ZNF566: variants seen among roughly 807,000 people sequenced by gnomAD.
The protein encoded by ZNF566 is zinc finger protein 566.
Under a neutral mutation model 32.8 loss-of-function variants are expected in ZNF566, and 27 were observed. That is an observed-to-expected ratio of 0.82 (90% CI 0.61 to 1.14). The LOEUF (loss-of-function observed/expected upper bound fraction) is 1.14. ZNF566 is among the 50% of genes most tolerant of loss of function. The pLI is 0.00. For synonymous variants in ZNF566, 154 were observed against 159.5 expected (o/e 0.97, Z 0.26); for missense variants, 402 against 490.4 (o/e 0.82, Z 1.70).
rs765680561 is a variant in ZNF566 at position 36,449,827 on chromosome 19, C to T, written c.407G>A (p.Gly136Glu). 1 of 1,614,122 alleles carries T rather than the reference C, an allele frequency of 6.2e-7. No individual in the cohort carries two copies. The highest frequency in any genetic ancestry group is 1.1e-5 in the South Asian group (1 of 91,082). Reference protein sequence around the residue: ...RQFKKELGSQGGHFNQLVFTH... With the variant: ...RQFKKELGSQEGHFNQLVFTH... ...GAATACCAATTGATTGAAATGTCCC[C>T]CCTGAGAGCCGAGTTCTTTCTTAAA... Residue 136 changes from glycine (G) to glutamate (E), a missense_variant, in exon 5 of 5, where the codon GGG becomes GAG. Transcript: ENST00000452939.
chr19:36,450,254 T>G (rs1462781017), intron 4 of ZNF566, among the ~76,000 whole-genome samples: 1 of 152,134 alleles, frequency 6.6e-6, no homozygotes, highest in East Asian at 1.9e-4. Flanking sequence ...TAGTCCTATC[T>G]CCCTTGTTAA....
At chr19:36,455,559 T>C (rs111308731) in intron 4 of ZNF566, among the ~76,000 whole-genome samples, 56 of 151,172 alleles carry the variant, frequency 3.7e-4, no homozygotes, top group African/African-American at 1.3e-3. Flanking sequence ...CGGGCCAACA[T>C]GGCAACATCC....
At chr19:36,473,054 A>G (rs376328379) in intron 3 of ZNF566, 48 bp from the exon 4 acceptor site, 1 of 1,526,970 alleles carries the variant, frequency 6.5e-7, no homozygotes, top group Non-Finnish European at 9.0e-7. Flanking sequence ...AGCATATCCT[A>G]GAATTCAAAT....
chr19:36,488,021 A>G (rs2034214099), intron 1 of ZNF566, among the ~76,000 whole-genome samples: 1 of 152,022 alleles, frequency 6.6e-6, no homozygotes, highest in Non-Finnish European at 1.5e-5. Flanking sequence ...GGTCCTGGCA[A>G]AGTTCTTTGT....
At chr19:36,482,833 T>C (rs1229258308) in intron 1 of ZNF566, among the ~76,000 whole-genome samples, 1 of 152,224 alleles carries the variant, frequency 6.6e-6, no homozygotes, top group Non-Finnish European at 1.5e-5. Context: ...GAAGAGGTAC[T>C]AAGTGTTTTT....
At chr19:36,453,140 A>C (rs752405611) in intron 4 of ZNF566, among the ~76,000 whole-genome samples, 5 of 150,732 alleles carry the variant, frequency 3.3e-5, no homozygotes, top group African/African-American at 9.8e-5. Context: ...AAAAAACAAA[A>C]AAACAAACAA....
At chr19:36,452,096 G>A (rs1352801233) in intron 4 of ZNF566, among the ~76,000 whole-genome samples, 1 of 151,140 alleles carries the variant, frequency 6.6e-6, no homozygotes, top group Non-Finnish European at 1.5e-5. Flanking sequence ...AAAAAAAAAA[G>A]GGAGAATAGT....
intron 4 of ZNF566, among the ~76,000 whole-genome samples, chr19:36,463,167 G>A (rs553469758): frequency 5.9e-5 from 9 of 151,400 alleles, no homozygotes; most frequent in African/African-American, 1.9e-4. Flanking sequence ...AGCTGGGCAC[G>A]GTGGCACATG....
At position 36,445,716 on chromosome 19, in the gene ZNF566, G is replaced by A. The variant is rs1334908187; in HGVS notation, c.*3261C>T. The A allele has an allele frequency of 2.0e-5, 3 of 152,348 alleles. No individual in the cohort carries two copies. The highest frequency in any genetic ancestry group is 7.2e-5 in the African/African-American group (3 of 41,572). The allele number at this position is 152,348 out of a possible 1,614,324, so 9.4% of individuals were successfully genotyped here. On this transcript the variant is annotated 3_prime_UTR_variant, in exon 5 of 5. Transcript: ENST00000452939. Reference sequence around the variant, plus strand: ...TACCTGTAACCCCAGCTACTTGGGAGGCTGAGGCAGGAGAATCTCTTGAAC... The same window carrying A: ...TACCTGTAACCCCAGCTACTTGGGAAGCTGAGGCAGGAGAATCTCTTGAAC...
chr19:36,480,061 A>T (rs1384094240), intron 1 of ZNF566, among the ~76,000 whole-genome samples: 30 of 152,278 alleles, frequency 2.0e-4, no homozygotes, highest in Non-Finnish European at 5.9e-5. Context: ...TAAGGTAAAA[A>T]TTAGCAAGTT....
chr19:36,482,028 AAC>A (rs1348488802), intron 1 of ZNF566, among the ~76,000 whole-genome samples: 1 of 152,242 alleles, frequency 6.6e-6, no homozygotes, highest in African/African-American at 2.4e-5. Context: ...GTGCAAAAGA[AAC>A]ACAGCAAGGA....
intron 4 of ZNF566, among the ~76,000 whole-genome samples, chr19:36,462,479 GA>G (rs1568517556): frequency 6.6e-6 from 1 of 151,630 alleles, no homozygotes; most frequent in Non-Finnish European, 1.5e-5. Context: ...AGGAAACAGA[GA>G]AAAAAAGTAA....
rs762170765 is a variant in ZNF566 at position 36,472,939 on chromosome 19, G to T, written c.204C>A (p.Asp68Glu). 1 of 1,614,020 alleles carries T rather than the reference G, an allele frequency of 6.2e-7. No individual in the cohort carries two copies. Among genetic ancestry groups the T allele is most frequent in the East Asian group, 2.2e-5 (1 of 44,874 alleles). Residue 68 changes from aspartate to glutamate, a missense_variant, in exon 4 of 5, where the codon GAC (aspartate) becomes GAA (glutamate). This residue lies in a region of ZNF566 where 220 missense variants were observed against 241.9 expected (regional missense o/e 0.91). Coordinates refer to ENST00000452939, the MANE Select transcript of ZNF566 (RefSeq NM_001145344.1). ...LEQGKEPWLADRELTRGQWPV... is the reference protein window; with the variant it reads ...LEQGKEPWLAERELTRGQWPV... ...GCCACTGGCCTCTTGTTAGCTCTCT[G>T]TCAGCCAACCAGGGCTCCTTCCCTT...
intron 4 of ZNF566, among the ~76,000 whole-genome samples, chr19:36,469,839 A>G (rs979259365): frequency 6.6e-6 from 1 of 152,214 alleles, no homozygotes; most frequent in Non-Finnish European, 1.5e-5. Flanking sequence ...GCATATATGC[A>G]TAAAGAATGG....
chr19:36,484,138 T>A (rs539955821), intron 1 of ZNF566, among the ~76,000 whole-genome samples: 1 of 152,374 alleles, frequency 6.6e-6, no homozygotes, highest in Admixed American at 6.5e-5. Context: ...CTTCCCAATG[T>A]GCTGAGATTA....
At chr19:36,486,170 A>G (rs1052933817) in intron 1 of ZNF566, among the ~76,000 whole-genome samples, 2 of 152,236 alleles carry the variant, frequency 1.3e-5, no homozygotes, top group Admixed American at 1.3e-4. Context: ...AGAACACTCA[A>G]AGATGGAAGG....
At chr19:36,463,537 CTTTTTTTTTTTTTTT>C (rs56787323) in intron 4 of ZNF566, among the ~76,000 whole-genome samples, 1 of 106,290 alleles carries the variant, frequency 9.4e-6, no homozygotes, top group Non-Finnish European at 1.9e-5. Flanking sequence ...AATGTAATTT[CTTTTTTTTTTTTTTT>C]TTTTTTTTGA....
At chr19:36,479,532 A>C (rs1429286162) in intron 1 of ZNF566, among the ~76,000 whole-genome samples, 1 of 152,258 alleles carries the variant, frequency 6.6e-6, no homozygotes, top group Non-Finnish European at 1.5e-5. Context: ...TGTTACTAAA[A>C]ATGACAAATT....
chr19:36,476,936 C>T (rs4806328), intron 1 of ZNF566, among the ~76,000 whole-genome samples: 30,215 of 152,014 alleles, frequency 0.2, 3,159 homozygotes, highest in Non-Finnish European at 0.23. Context: ...AATGAAGTCC[C>T]AATTAGCACA....
Sources: allele counts gnomAD v4.1 joint callset (sites outside exome capture counted in the v4.1 genomes callset), GRCh38; gene constraint gnomAD v4.1.1; regional missense constraint gnomAD v4.1.1; transcripts MANE v1.5; gene names NCBI Gene and HGNC (gene_info 2026-07-23, HGNC 2026-07-21).